Variants in SLC4A8 observed in about 807,000 individuals in gnomAD.
SLC4A8 encodes the protein electroneutral sodium bicarbonate exchanger 1.
SLC4A8 carries 40 observed loss-of-function variants against 125.0 expected under a neutral mutation model. The ratio of observed to expected loss-of-function variants is 0.32; its 90% CI spans 0.25 to 0.42. The LOEUF is 0.42. SLC4A8 is among the 10% of genes least tolerant of loss of function. SLC4A8 has a pLI of 1.00. For missense variants in SLC4A8, 863 were observed against 1,355.1 expected (o/e 0.64, Z 5.70); for synonymous variants, 456 against 476.0 (o/e 0.96, Z 0.55).
intron 1 of SLC4A8, among the ~76,000 whole-genome samples, chr12:51,437,500 G>A (rs1418049864): frequency 6.6e-6 from 1 of 152,106 alleles, no homozygotes; most frequent in African/African-American, 2.4e-5. Context: ...GTTTAAAAGA[G>A]TCTGGGCCCT....
chr12:51,476,050 T>C (rs970606173), intron 16 of SLC4A8, among the ~76,000 whole-genome samples: 1 of 152,232 alleles, frequency 6.6e-6, no homozygotes, highest in African/African-American at 2.4e-5. Flanking sequence ...CTGGGTTACA[T>C]GTACTTTTAC....
At chr12:51,446,073 A>G (rs1038855629) in intron 2 of SLC4A8, among the ~76,000 whole-genome samples, 5 of 152,174 alleles carry the variant, frequency 3.3e-5, no homozygotes, top group African/African-American at 1.2e-4. Flanking sequence ...TCAATTTAGT[A>G]TTTTCACGCT....
In SLC4A8 at chr12:51,462,306, G is replaced by A; in HGVS notation, c.1102-4G>A. On this transcript the variant is annotated splice_polypyrimidine_tract_variant and splice_region_variant and intron_variant, in intron 9 of 24. Transcript: ENST00000453097. ...CTTTCCTGAGGGTTTTCTCTTCTCT[G>A]TAGATTTTTCATGACGTAGCATATA... The A allele has an allele frequency of 6.2e-7, 1 of 1,613,418 alleles. No homozygotes were observed. The highest frequency in any genetic ancestry group is 1.1e-5 in the South Asian group (1 of 91,060).
Position 51,469,651 on chromosome 12 carries a change from G to A in SLC4A8, c.1387G>A (p.Ala463Thr), listed in dbSNP as rs753344234. The change falls in exon 12 of 25, where the codon GCC becomes ACC. Residue 463 changes from alanine to threonine, a missense_variant. Transcript: ENST00000453097. ...GGLVLDIKRKAPWYWSDYRDA... is the reference protein window; with the variant it reads ...GGLVLDIKRKTPWYWSDYRDA... ...CTTGGTGCTGGACATCAAGCGGAAGGCCCCCTGGTACTGGAGCGACTACCG... is the reference window on the plus strand; with the variant it reads ...CTTGGTGCTGGACATCAAGCGGAAGACCCCCTGGTACTGGAGCGACTACCG... 2.5e-6 allele frequency: 4 copies of A among 1,613,550 alleles called. No homozygotes were observed. The highest frequency in any genetic ancestry group is 3.4e-6 in the Non-Finnish European group (4 of 1,179,964).
chr12:51,502,522 C>G (rs906745878), intron 22 of SLC4A8: 1 of 144,052 alleles, frequency 6.9e-6, no homozygotes, highest in African/African-American at 2.6e-5. Context: ...AGGCATGAGC[C>G]ACTGTGCCTG....
At position 51,489,790 on chromosome 12, in the gene SLC4A8, A is replaced by T; in HGVS notation, c.2539A>T (p.Thr847Ser). The change falls in exon 19 of 25, where the codon ACT becomes TCT. Residue 847 changes from threonine to serine, a missense_variant. Transcript: ENST00000453097. ...IMGLPWFVAA[T>S]VLSITHVNSL... ...GGGCCTGCCCTGGTTTGTAGCTGCA[A>T]CTGTCTTGTCCATCACACATGTGAA... 1 of 1,614,184 alleles carries T rather than the reference A, an allele frequency of 6.2e-7. No individual in the cohort carries two copies.
At chr12:51,407,510 C>T (rs1948511948) in intron 1 of SLC4A8, among the ~76,000 whole-genome samples, 1 of 151,884 alleles carries the variant, frequency 6.6e-6, no homozygotes, top group Admixed American at 6.6e-5. Flanking sequence ...CTCAAGTAAT[C>T]TGCCCACCTT....
chr12:51,505,823 G>A lies in SLC4A8; in HGVS notation c.3174-12G>A. 1 of 1,244,900 alleles carries A rather than the reference G, an allele frequency of 8.0e-7. No homozygotes were observed. Among genetic ancestry groups the A allele is most frequent in the Non-Finnish European group, 1.2e-6 (1 of 849,890 alleles). The allele number at this position is 1,244,900 out of a possible 1,614,324, so 77.1% of individuals were successfully genotyped here. On this transcript the variant is annotated splice_polypyrimidine_tract_variant and intron_variant, in intron 23 of 24. Coordinates refer to ENST00000453097, the MANE Select transcript of SLC4A8 (RefSeq NM_001039960.3). ...TATGTCTGACATTCACTGTCCTAAT[G>A]ATTGATTTCAGATGTGACCCCTCTG...
intron 1 of SLC4A8, among the ~76,000 whole-genome samples, chr12:51,392,582 AAAAAG>A (rs1172403790): frequency 1.3e-5 from 2 of 150,874 alleles, no homozygotes; most frequent in Non-Finnish European, 3.0e-5. Context: ...AAAAAAAAAA[AAAAAG>A]AAAAAAAGAA....
At chr12:51,437,994 T>A (rs1196003466) in intron 1 of SLC4A8, among the ~76,000 whole-genome samples, 1 of 152,166 alleles carries the variant, frequency 6.6e-6, no homozygotes, top group East Asian at 1.9e-4. Flanking sequence ...AACGTTTAAT[T>A]TTTATTTTGA....
At position 51,471,438 on chromosome 12, in the gene SLC4A8, A is replaced by G; in HGVS notation, c.1810A>G (p.Ile604Val). The change falls in exon 14 of 25, where the codon ATT becomes GTT. Residue 604 changes from isoleucine to valine, a missense_variant. Physicochemically the swap from Ile to Val is conservative, Grantham distance 29 (BLOSUM62 3). Coordinates refer to ENST00000453097, the MANE Select transcript of SLC4A8 (RefSeq NM_001039960.3). ...EEAFASLICI[I>V]FIYEAIEKLI... Reference sequence around the variant, plus strand: ...AGCATTTGCCTCCCTAATTTGCATTATTTTCATCTATGAAGCAATAGAAAA... The same window carrying G: ...AGCATTTGCCTCCCTAATTTGCATTGTTTTCATCTATGAAGCAATAGAAAA... 1 of 1,614,184 alleles carries G rather than the reference A, an allele frequency of 6.2e-7. No individual in the cohort carries two copies. Among genetic ancestry groups the G allele is most frequent in the Non-Finnish European group, 8.5e-7 (1 of 1,180,024 alleles).
intron 1 of SLC4A8, among the ~76,000 whole-genome samples, chr12:51,416,670 A>G (rs967548681): frequency 1.3e-5 from 2 of 151,364 alleles, no homozygotes; most frequent in Non-Finnish European, 2.9e-5. Context: ...AACAAGGACA[A>G]TGAACATCTG....
chr12:51,408,529 G>T (rs1429249917), intron 1 of SLC4A8, among the ~76,000 whole-genome samples: 1 of 152,106 alleles, frequency 6.6e-6, no homozygotes, highest in Non-Finnish European at 1.5e-5. Flanking sequence ...GAGACACTGC[G>T]CCCGGCCTAT....
At chr12:51,423,771 C>T (rs1206591636), upstream of SLC4A8, among the ~76,000 whole-genome samples, 2 of 152,288 alleles carry the variant, frequency 1.3e-5, no homozygotes, top group East Asian at 1.9e-4. Context: ...CCATGGCTCA[C>T]GCCTGTAATC....
At chr12:51,482,504 T>G (rs1338074636) in intron 16 of SLC4A8, among the ~76,000 whole-genome samples, 1 of 152,074 alleles carries the variant, frequency 6.6e-6, no homozygotes, top group Admixed American at 6.5e-5. Context: ...CTCAGCCTCC[T>G]GTGTAGCCGG....
At chr12:51,453,838 C>A in intron 5 of SLC4A8, 139 bp downstream of exon 5, 4 of 498,254 alleles carry the variant, frequency 8.0e-6, no homozygotes, top group East Asian at 4.4e-5. Flanking sequence ...CCTCAATGTC[C>A]TTGGCTGTGG....
At chr12:51,424,081 A>C (rs1354074495), upstream of SLC4A8, among the ~76,000 whole-genome samples, 2 of 151,214 alleles carry the variant, frequency 1.3e-5, no homozygotes, top group East Asian at 1.9e-4. Flanking sequence ...AAAAAACAAA[A>C]AAAACCCAAA....
chr12:51,409,438 G>T (rs924392362), intron 1 of SLC4A8, among the ~76,000 whole-genome samples: 4 of 152,042 alleles, frequency 2.6e-5, no homozygotes, highest in Non-Finnish European at 5.9e-5. Context: ...ATATTCTTTT[G>T]CCTAGTCACT....
intron 1 of SLC4A8, among the ~76,000 whole-genome samples, chr12:51,397,633 C>T (rs2137917332): frequency 6.6e-6 from 1 of 152,158 alleles, no homozygotes; most frequent in African/African-American, 2.4e-5. Context: ...CTAGAGATAA[C>T]CAATGTTGCT....
Sources: allele counts gnomAD v4.1 joint callset (sites outside exome capture counted in the v4.1 genomes callset), GRCh38; gene constraint gnomAD v4.1.1; transcripts MANE v1.5; gene names NCBI Gene and HGNC (gene_info 2026-07-23, HGNC 2026-07-21).